The following SUPT3H variants were observed in gnomAD, a reference collection of about 807,000 sequenced individuals.
SUPT3H encodes the protein SPT3 homolog, SAGA and STAGA complex component, also known as transcription initiation protein SPT3 homolog.
A neutral mutation model predicts 44.3 loss-of-function variants in SUPT3H; 44 were observed. That is an observed-to-expected ratio of 0.99 (90% confidence interval 0.78 to 1.28). The LOEUF (loss-of-function observed/expected upper bound fraction) is 1.28, where lower values mean the gene tolerates loss of function less well. Among genes scored for constraint, SUPT3H ranks in the 50% most tolerant of loss-of-function variants. The pLI, the probability that SUPT3H is intolerant of heterozygous loss-of-function variation, is 0.00. For missense variants in SUPT3H, 380 were observed against 387.1 expected, an observed-to-expected ratio of 0.98 and a Z score of 0.15; for synonymous variants, 124 against 125.6, an observed-to-expected ratio of 0.99 and a Z score of 0.09.
chr6:45,286,838 A>C (rs1243775648), intron 2 of SUPT3H, among the ~76,000 whole-genome samples: 1 of 152,222 alleles, frequency 6.6e-6, no homozygotes, highest in Non-Finnish European at 1.5e-5. Context: ...ACTAGGAACC[A>C]AGCCAAATGT....
chr6:44,920,189 A>T (rs1334819689), intron 10 of SUPT3H, among the ~76,000 whole-genome samples: 1 of 152,092 alleles, frequency 6.6e-6, no homozygotes, highest in Non-Finnish European at 1.5e-5. Flanking sequence ...ACAATCACTT[A>T]TATTTTTCTA....
downstream of SUPT3H, among the ~76,000 whole-genome samples, chr6:44,822,094 A>C (rs1767367017): frequency 6.6e-6 from 1 of 152,234 alleles, no homozygotes; most frequent in Non-Finnish European, 1.5e-5. Context: ...TGGGCAAAAT[A>C]TACTTTATTG....
At chr6:45,157,947 A>T (rs1360525735) in intron 2 of SUPT3H, among the ~76,000 whole-genome samples, 1 of 151,042 alleles carries the variant, frequency 6.6e-6, no homozygotes, top group African/African-American at 2.4e-5. Context: ...ATATATCTAA[A>T]CTTATAATTT....
At position 45,194,635 on chromosome 6, in the gene SUPT3H, T is replaced by C. The variant is rs72857011; in HGVS notation, c.102-88629A>G. Reference sequence around the variant, plus strand: ...TTAGTGAAATACACACACATATGTATACAATCAAAAGAAGTTCTCTAAAGT... The same window carrying C: ...TTAGTGAAATACACACACATATGTACACAATCAAAAGAAGTTCTCTAAAGT... On this transcript the variant is annotated intron_variant, in intron 2 of 10. Coordinates refer to ENST00000371459, the MANE Select transcript of SUPT3H (RefSeq NM_003599.4). Among the ~76,000 whole-genome samples, 993 of 152,244 alleles carry C rather than the reference T, an allele frequency of 6.5e-3. 6 individuals are homozygous for C. Among genetic ancestry groups the C allele is most frequent in the South Asian group, 0.022 (108 of 4,832 alleles).
chr6:45,104,393 C>G (rs1798997388), intron 3 of SUPT3H, among the ~76,000 whole-genome samples: 2 of 151,996 alleles, frequency 1.3e-5, no homozygotes, highest in Admixed American at 1.3e-4. Context: ...AACAGTCAAC[C>G]TAATATTCTA....
At chr6:45,329,716 T>C (rs1320012783) in intron 2 of SUPT3H, among the ~76,000 whole-genome samples, 1 of 151,966 alleles carries the variant, frequency 6.6e-6, no homozygotes, top group Non-Finnish European at 1.5e-5. Flanking sequence ...TTAAAAGAAG[T>C]AGGCATAATC....
intron 2 of SUPT3H, among the ~76,000 whole-genome samples, chr6:45,141,095 T>C (rs989674273): frequency 6.6e-6 from 1 of 151,886 alleles, no homozygotes; most frequent in Non-Finnish European, 1.5e-5. Flanking sequence ...ATCCCAGCAC[T>C]TTAGGAGGCC....
chr6:44,954,717 A>C, intron 7 of SUPT3H, 110 bp from the exon 8 acceptor site: 2 of 658,928 alleles, frequency 3.0e-6, no homozygotes, highest in Non-Finnish European at 5.3e-6. Flanking sequence ...TACACAAAAA[A>C]TAATGCACAT....
chr6:45,253,324 G>A (rs1385608514), intron 2 of SUPT3H, among the ~76,000 whole-genome samples: 1 of 152,150 alleles, frequency 6.6e-6, no homozygotes, highest in East Asian at 1.9e-4. Context: ...CAGAGAGCTA[G>A]GCATCAAAAA....
chr6:45,083,039 C>T (rs1796012612), intron 3 of SUPT3H, among the ~76,000 whole-genome samples: 1 of 151,826 alleles, frequency 6.6e-6, no homozygotes, highest in Non-Finnish European at 1.5e-5. Context: ...CATAGTCACA[C>T]AAATATCTAG....
intron 2 of SUPT3H, among the ~76,000 whole-genome samples, chr6:45,269,891 C>T (rs1442191758): frequency 6.6e-6 from 1 of 152,132 alleles, no homozygotes; most frequent in Non-Finnish European, 1.5e-5. Context: ...ATTTTCATCA[C>T]TCCAAAAACA....
chr6:44,937,845 C>A (rs937649374), intron 9 of SUPT3H, among the ~76,000 whole-genome samples: 1 of 148,402 alleles, frequency 6.7e-6, no homozygotes, highest in Non-Finnish European at 1.5e-5. Flanking sequence ...AGTCCCCTGT[C>A]GGATGCACAA....
intron 10 of SUPT3H, among the ~76,000 whole-genome samples, chr6:44,864,224 G>A (rs1775123156): frequency 6.6e-6 from 1 of 152,214 alleles, no homozygotes; most frequent in Non-Finnish European, 1.5e-5. Flanking sequence ...AAGCAAGTTA[G>A]TTAATTCCTA....
In SUPT3H at chr6:44,922,923, T is replaced by C. The variant is rs145384922; in HGVS notation, c.912+9730A>G. ...ATGAATTCATGAGTTAAAAGAATCC[T>C]GTAATTTTTTTAAAGCCATATTTTC... On this transcript the variant is annotated intron_variant, in intron 10 of 10. Transcript: ENST00000371459. 7.1e-3 allele frequency among the ~76,000 whole-genome samples: 1,078 copies of C among 152,270 alleles called. 15 individuals carry two copies. Among genetic ancestry groups the C allele is most frequent in the African/African-American group, 0.025 (1,034 of 41,568 alleles).
At chr6:45,163,097 A>G (rs547605512) in intron 2 of SUPT3H, among the ~76,000 whole-genome samples, 1 of 152,278 alleles carries the variant, frequency 6.6e-6, no homozygotes, top group Non-Finnish European at 1.5e-5. Flanking sequence ...CATATCTAAA[A>G]CATTAGTGAG....
chr6:44,938,720 C>A (rs1324050183), intron 9 of SUPT3H, among the ~76,000 whole-genome samples: 4 of 151,998 alleles, frequency 2.6e-5, no homozygotes, highest in Non-Finnish European at 5.9e-5. Flanking sequence ...GGATGGTTTT[C>A]CATTTGTCAG....
At chr6:44,981,646 G>A (rs1181345857) in intron 6 of SUPT3H, among the ~76,000 whole-genome samples, 1 of 152,136 alleles carries the variant, frequency 6.6e-6, no homozygotes, top group Non-Finnish European at 1.5e-5. Context: ...CTAGGTCTCA[G>A]TTTTACCTCT....
intron 3 of SUPT3H, among the ~76,000 whole-genome samples, chr6:45,030,523 G>C (rs966062411): frequency 1.3e-5 from 2 of 151,972 alleles, no homozygotes; most frequent in African/African-American, 4.8e-5. Context: ...TTCCTCATTT[G>C]TTTTTACAAG....
chr6:44,881,941 T>C (rs1010321761), intron 10 of SUPT3H, among the ~76,000 whole-genome samples: 2 of 151,864 alleles, frequency 1.3e-5, no homozygotes, highest in African/African-American at 4.8e-5. Context: ...GTGGGAAAGA[T>C]CCAAAATCGA....
Sources: allele counts gnomAD v4.1 joint callset (sites outside exome capture counted in the v4.1 genomes callset), GRCh38; gene constraint gnomAD v4.1.1; transcripts MANE v1.5; gene names NCBI Gene and HGNC (gene_info 2026-07-23, HGNC 2026-07-21).